The following ZRANB3 variants were observed in gnomAD, a reference collection of about 807,000 sequenced individuals.
The protein encoded by ZRANB3 is zinc finger RANBP2-type containing 3, also known as DNA annealing helicase and endonuclease ZRANB3.
ZRANB3 carries 125 observed loss-of-function variants against 133.8 expected under a neutral mutation model. The observed-to-expected ratio is 0.93, with a 90% confidence interval of 0.81 to 1.08. The LOEUF (loss-of-function observed/expected upper bound fraction) is 1.08. ZRANB3 is among the 50% of genes least tolerant of loss of function. ZRANB3 has a pLI of 0.00. For missense variants in ZRANB3, 1,229 were observed against 1,275.5 expected, an observed-to-expected ratio of 0.96 and a Z score of 0.56; for synonymous variants, 387 against 432.7, an observed-to-expected ratio of 0.89 and a Z score of 1.31.
At chr2:135,426,861 AAAATATATATATATATATATATATATAT>A (rs1689110300) in intron 2 of ZRANB3, among the ~76,000 whole-genome samples, 4 of 40,076 alleles carry the variant, frequency 1.0e-4, no homozygotes, top group African/African-American at 5.9e-4. Context: ...AAAAAAAAAA[AAAATATATATATATATATATATATATAT>A]ATATATATAT....
At chr2:135,205,022 C>T (rs926389715) in intron 19 of ZRANB3, among the ~76,000 whole-genome samples, 16 of 151,806 alleles carry the variant, frequency 1.1e-4, no homozygotes, top group African/African-American at 3.6e-4. Context: ...ATATGTCCCT[C>T]GCCAATGAGA....
chr2:135,521,280 G>A (rs1291619965), intron 1 of ZRANB3, among the ~76,000 whole-genome samples: 1 of 152,142 alleles, frequency 6.6e-6, no homozygotes, highest in East Asian at 1.9e-4. Context: ...CGGGCATGAT[G>A]GCTCATGCCT....
At chr2:135,414,415 A>C (rs1688457059) in intron 2 of ZRANB3, among the ~76,000 whole-genome samples, 2 of 152,214 alleles carry the variant, frequency 1.3e-5, no homozygotes, top group African/African-American at 4.8e-5. Flanking sequence ...TATCCTAAAT[A>C]TATATGCACC....
At chr2:135,355,766 G>T (rs989635913) in intron 3 of ZRANB3, among the ~76,000 whole-genome samples, 1 of 152,134 alleles carries the variant, frequency 6.6e-6, no homozygotes, top group African/African-American at 2.4e-5. Context: ...CCTATTTTTT[G>T]TGTGTGGACA....
intron 9 of ZRANB3, among the ~76,000 whole-genome samples, chr2:135,274,221 T>A (rs1047008750): frequency 6.6e-6 from 1 of 152,228 alleles, no homozygotes; most frequent in Admixed American, 6.5e-5. Context: ...CAAAGGAAGA[T>A]GTTGTCACTC....
At chr2:135,445,653 G>A (rs566111186) in intron 2 of ZRANB3, among the ~76,000 whole-genome samples, 10 of 151,554 alleles carry the variant, frequency 6.6e-5, no homozygotes, top group African/African-American at 2.2e-4. Flanking sequence ...TGAGGCGGGT[G>A]GATCACAAGG....
intron 12 of ZRANB3, among the ~76,000 whole-genome samples, chr2:135,243,030 G>A (rs1462821299): frequency 6.6e-6 from 1 of 152,132 alleles, no homozygotes; most frequent in East Asian, 1.9e-4. Context: ...TCACATGAGA[G>A]GTGGCCTTCT....
chr2:135,217,673 C>A, intron 16 of ZRANB3, 66 bp from the exon 17 acceptor site: 1 of 1,541,894 alleles, frequency 6.5e-7, no homozygotes, highest in Non-Finnish European at 8.7e-7. Context: ...GAATGTGAGC[C>A]TATTTACAAC....
chr2:135,378,345 T>C (rs942316540), intron 3 of ZRANB3, among the ~76,000 whole-genome samples: 1 of 152,008 alleles, frequency 6.6e-6, no homozygotes, highest in African/African-American at 2.4e-5. Context: ...ATACAAAGAT[T>C]AGCCAGGTGT....
intron 3 of ZRANB3, among the ~76,000 whole-genome samples, chr2:135,385,044 A>G (rs1686901055): frequency 6.6e-6 from 1 of 152,198 alleles, no homozygotes; most frequent in Admixed American, 6.5e-5. Context: ...GGAAAAGAGG[A>G]AGTCAAATTG....
Position 135,202,989 on chromosome 2 carries a change from A to G in ZRANB3, c.3010-26T>C, listed in dbSNP as rs149093985. On this transcript the variant is annotated intron_variant, in intron 19 of 20. Coordinates refer to ENST00000264159, the MANE Select transcript of ZRANB3 (RefSeq NM_032143.4). ...CTGCAATAAGAATACAAGATCAGCAATTTTCAACATATACTGCAAGAAGTG... is the reference window on the plus strand; with the variant it reads ...CTGCAATAAGAATACAAGATCAGCAGTTTTCAACATATACTGCAAGAAGTG... The G allele has an allele frequency of 1.9e-5, 30 of 1,605,558 alleles. No individual in the cohort carries two copies. The African/African-American group carries it at 2.8e-4, about 15-fold the overall frequency.
chr2:135,263,933 G>A (rs1348333168), intron 12 of ZRANB3, among the ~76,000 whole-genome samples: 4 of 150,994 alleles, frequency 2.6e-5, no homozygotes, highest in South Asian at 2.1e-4. Flanking sequence ...GTGCCATGAC[G>A]CCCGGCTAAT....
intron 2 of ZRANB3, among the ~76,000 whole-genome samples, chr2:135,421,893 T>A (rs531519636): frequency 3.4e-5 from 5 of 149,148 alleles, no homozygotes; most frequent in Non-Finnish European, 6.0e-5. Context: ...TTTTTTCCTT[T>A]TTTTTTTTTT....
At chr2:135,355,109 A>ACTTG (rs1685371081) in intron 3 of ZRANB3, 3 of 421,674 alleles carry the variant, frequency 7.1e-6, no homozygotes, top group Non-Finnish European at 9.5e-6. Context: ...CAGATTTTGG[A>ACTTG]CTTTAAGCAA....
chr2:135,273,141 T>C (rs1250318451), intron 9 of ZRANB3, among the ~76,000 whole-genome samples: 2 of 145,628 alleles, frequency 1.4e-5, no homozygotes, highest in Non-Finnish European at 3.0e-5. Context: ...AGTGGAGATC[T>C]AGCCACTGCA....
chr2:135,432,788 T>C (rs1689377211), intron 2 of ZRANB3, among the ~76,000 whole-genome samples: 1 of 152,010 alleles, frequency 6.6e-6, no homozygotes. Context: ...CAACAAAAAG[T>C]TAGGAGTTGG....
chr2:135,454,957 A>G (rs1414804996), intron 2 of ZRANB3, among the ~76,000 whole-genome samples: 2 of 152,124 alleles, frequency 1.3e-5, no homozygotes, highest in African/African-American at 4.8e-5. Context: ...CAAATTTTCC[A>G]TTCCCATTCT....
intron 2 of ZRANB3, among the ~76,000 whole-genome samples, chr2:135,471,819 G>A (rs1246723327): frequency 1.3e-5 from 2 of 152,102 alleles, no homozygotes; most frequent in African/African-American, 4.8e-5. Context: ...CTTTTTTATG[G>A]TATAGGCTAA....
chr2:135,445,482 T>G (rs571420599), intron 2 of ZRANB3, among the ~76,000 whole-genome samples: 30 of 152,188 alleles, frequency 2.0e-4, no homozygotes, highest in Admixed American at 1.2e-3. Flanking sequence ...TGTGCTTTTA[T>G]GGTAATAAGA....
Sources: gnomAD v4.1 joint callset for allele counts (sites outside exome capture counted in the v4.1 genomes callset) on GRCh38, gnomAD v4.1.1 for gene constraint, MANE v1.5 for transcripts, NCBI Gene and HGNC (gene_info 2026-07-23, HGNC 2026-07-21) for gene names.